TPD52: variants seen among roughly 807,000 people sequenced by gnomAD.
The protein encoded by TPD52 is tumor protein D52, also known as prostate and colon associated protein.
Under a neutral mutation model 31.3 loss-of-function variants are expected in TPD52, and 17 were observed. The observed-to-expected ratio is 0.54, with a 90% CI of 0.37 to 0.82. The LOEUF (loss-of-function observed/expected upper bound fraction) is 0.82. Among genes scored for constraint, TPD52 ranks in the 40% least tolerant of loss-of-function variants. The pLI is 0.00. For synonymous variants in TPD52, 83 were observed against 89.6 expected, an observed-to-expected ratio of 0.93 and a Z score of 0.42; for missense variants, 212 against 240.1, an observed-to-expected ratio of 0.88 and a Z score of 0.77.
intron 1 of TPD52, among the ~76,000 whole-genome samples, chr8:80,126,638 T>C (rs1163208583): frequency 6.6e-6 from 1 of 151,856 alleles, no homozygotes; most frequent in East Asian, 1.9e-4. Flanking sequence ...TACGCCACCA[T>C]GCCTAGCCAA....
chr8:80,134,194 C>T (rs1172958258), intron 1 of TPD52, among the ~76,000 whole-genome samples: 1 of 152,118 alleles, frequency 6.6e-6, no homozygotes, highest in Admixed American at 6.5e-5. Flanking sequence ...TACTATGTGC[C>T]GGGTACTGTG....
In TPD52 at chr8:80,036,251, G is replaced by C. The variant is rs559279238; in HGVS notation, c.*1865C>G. ...TTACTCCATTTTGCCTTGTTGAAAA[G>C]TTAGTAGCAGGGCAGGATGCTCAAG... is the stretch of plus-strand genomic sequence containing the variant. On this transcript the variant is annotated 3_prime_UTR_variant, in exon 8 of 8. Transcript: ENST00000518937. 13 of 152,636 alleles carry C rather than the reference G, an allele frequency of 8.5e-5. No individual in the cohort carries two copies. The highest frequency in any genetic ancestry group is 2.6e-4 in the Admixed American group (4 of 15,288). The allele number at this position is 152,636 out of a possible 1,614,324, so 9.5% of individuals were successfully genotyped here.
At chr8:80,106,874 C>T (rs554764480) in intron 1 of TPD52, among the ~76,000 whole-genome samples, 232 of 143,028 alleles carry the variant, frequency 1.6e-3, no homozygotes, top group Non-Finnish European at 2.6e-3. Context: ...TTTTTTGAGA[C>T]GGAGTTTCGC....
intron 5 of TPD52, among the ~76,000 whole-genome samples, chr8:80,045,090 C>T (rs1380048465): frequency 1.3e-5 from 2 of 152,132 alleles, no homozygotes; most frequent in Admixed American, 1.3e-4. Context: ...ATTTAAACAC[C>T]TCTGTACTTG....
rs138745619 is a variant in TPD52 at position 80,056,716 on chromosome 8, G to A, written c.136-3286C>T. ...AAAAAACAGAGATTAATAAGTGTTG[G>A]CAAGGATGTGGAGAAATTGGAACCC... On this transcript the variant is annotated intron_variant, in intron 2 of 7. Transcript: ENST00000518937. Among the ~76,000 whole-genome samples the A allele has an allele frequency of 1.6e-3, 247 of 152,258 alleles. 1 individual carries two copies. In the Middle Eastern group the frequency reaches 0.024, roughly 15 times the overall value.
In TPD52 at chr8:80,042,230, T is replaced by G. The variant is rs182448008; in HGVS notation, c.504+390A>C. The G allele has an allele frequency of 6.1e-6, 6 of 985,394 alleles. No individual in the cohort carries two copies. The East Asian group carries it at 6.8e-4, about 112-fold the overall frequency. 61.0% of individuals were successfully genotyped at this position (985,394 alleles called of 1,614,324 possible). A position where few individuals can be genotyped will look rare whatever the true frequency, so the allele number is the denominator to read the frequency against. On this transcript the variant is annotated intron_variant, in intron 7 of 7. Coordinates refer to ENST00000518937, the MANE Select transcript of TPD52 (RefSeq NM_001025253.3). ...ATAATAGCACATACATCTATCACTG[T>G]CTGAGTGGTAGGACCAATTTTTTGT...
At position 80,051,593 on chromosome 8, in the gene TPD52, C is replaced by G; in HGVS notation, c.320G>C (p.Gly107Ala). 1 of 1,612,602 alleles carries G rather than the reference C, an allele frequency of 6.2e-7. No homozygotes were observed. The highest frequency in any genetic ancestry group is 1.1e-5 in the South Asian group (1 of 90,908). The change falls in exon 4 of 8, where the codon GGA becomes GCA. Residue 107 changes from glycine (G) to alanine (A), a missense_variant. Gly to Ala is a moderately conservative substitution (Grantham distance 60). Coordinates refer to ENST00000518937, the MANE Select transcript of TPD52 (RefSeq NM_001025253.3). ...CGAAAAAGCAGCTGAGGCCTTCTGTCCAGCCTGGGATAAGGTTTCAGATGT... is the reference window on the plus strand; with the variant it reads ...CGAAAAAGCAGCTGAGGCCTTCTGTGCAGCCTGGGATAAGGTTTCAGATGT... ...KKTSETLSQA[G>A]QKASAAFSSV...
At chr8:80,151,824 T>C (rs1416769407) in intron 1 of TPD52, among the ~76,000 whole-genome samples, 2 of 152,228 alleles carry the variant, frequency 1.3e-5, no homozygotes, top group Non-Finnish European at 2.9e-5. Flanking sequence ...TAAATGCCAA[T>C]TAGATCTATA....
intron 2 of TPD52, among the ~76,000 whole-genome samples, chr8:80,056,872 T>C (rs1349523680): frequency 1.3e-5 from 2 of 152,070 alleles, no homozygotes; most frequent in Non-Finnish European, 2.9e-5. Context: ...ACAAAGAGAA[T>C]TGAAAACACA....
chr8:80,053,254 A>C, intron 3 of TPD52, 28 bp downstream of exon 3: 1 of 1,610,258 alleles, frequency 6.2e-7, no homozygotes, highest in South Asian at 1.1e-5. Flanking sequence ...TACACTCCCA[A>C]GGAAAGTGTA....
chr8:80,170,943 GCCACCAAAAATCCTAA>G (rs1226470894), intron 1 of TPD52: 1 of 346,898 alleles, frequency 2.9e-6, no homozygotes, highest in African/African-American at 2.2e-5. Flanking sequence ...TGGGTCATAC[GCCACCAAAAATCCTAA>G]CCACCTGAAC....
intron 1 of TPD52, among the ~76,000 whole-genome samples, chr8:80,105,074 A>G (rs1313409083): frequency 2.0e-5 from 3 of 152,152 alleles, no homozygotes; most frequent in Non-Finnish European, 4.4e-5. Context: ...AATAAAAAAT[A>G]AGAAAAATTT....
At chr8:80,096,291 A>AC (rs1816732343) in intron 1 of TPD52, among the ~76,000 whole-genome samples, 2 of 146,814 alleles carry the variant, frequency 1.4e-5, no homozygotes, top group African/African-American at 2.6e-5. Flanking sequence ...CACACACACA[A>AC]ACACACACAC....
At chr8:80,094,454 A>ATT (rs1816558066) in intron 1 of TPD52, among the ~76,000 whole-genome samples, 2 of 74,702 alleles carry the variant, frequency 2.7e-5, no homozygotes, top group African/African-American at 1.2e-4. Flanking sequence ...ATATATATAT[A>ATT]TATATATATA....
At chr8:80,142,707 G>C (rs4440674) in intron 1 of TPD52, among the ~76,000 whole-genome samples, 143,733 of 152,204 alleles carry the variant, frequency 0.94, 67,916 homozygotes, top group African/African-American at 0.99. Flanking sequence ...GTCACAAAAA[G>C]AAAGCACAAT....
intron 1 of TPD52, among the ~76,000 whole-genome samples, chr8:80,101,801 C>G (rs961815102): frequency 1.3e-5 from 2 of 152,158 alleles, no homozygotes; most frequent in African/African-American, 2.4e-5. Context: ...AAGGATCCCC[C>G]CCATGACCCA....
chr8:80,147,668 G>A (rs554209850), intron 1 of TPD52, among the ~76,000 whole-genome samples: 1 of 152,254 alleles, frequency 6.6e-6, no homozygotes, highest in East Asian at 1.9e-4. Flanking sequence ...CATTTGCAGG[G>A]GTTGTTGAGC....
downstream of TPD52, chr8:80,032,994 G>T (rs927313286): frequency 2.0e-5 from 3 of 152,532 alleles, no homozygotes; most frequent in Admixed American, 1.3e-4. Context: ...GGGTGCGTGA[G>T]CAAGTGAGTG....
At chr8:80,091,229 G>A (rs1816233949) in intron 1 of TPD52, among the ~76,000 whole-genome samples, 1 of 152,158 alleles carries the variant, frequency 6.6e-6, no homozygotes, top group African/African-American at 2.4e-5. Flanking sequence ...CCAGCACTTT[G>A]GGAGGCTGAG....
Sources: gnomAD v4.1 joint callset for allele counts (sites outside exome capture counted in the v4.1 genomes callset) on GRCh38, gnomAD v4.1.1 for gene constraint, MANE v1.5 for transcripts, NCBI Gene and HGNC (gene_info 2026-07-23, HGNC 2026-07-21) for gene names.